The following FOXN2 variants were observed in gnomAD, a reference collection of about 807,000 sequenced individuals.
The protein encoded by FOXN2 is forkhead box N2.
FOXN2 carries 19 observed loss-of-function variants against 41.2 expected under a neutral mutation model. The ratio of observed to expected loss-of-function variants is 0.46; its 90% CI spans 0.32 to 0.68. The LOEUF is 0.68. Ranked by LOEUF, FOXN2 falls within the 30% of genes least tolerant of loss-of-function variation. FOXN2 has a pLI of 0.03. For synonymous variants in FOXN2, 195 were observed against 176.8 expected (o/e 1.10, Z -0.82); for missense variants, 587 against 509.4 (o/e 1.15, Z -1.47).
intron 5 of FOXN2, among the ~76,000 whole-genome samples, chr2:48,365,512 C>G (rs530040940): frequency 2.8e-4 from 42 of 152,294 alleles, no homozygotes; most frequent in African/African-American, 9.1e-4. Context: ...TGCTCTTGTT[C>G]TGTTCTATCC....
chr2:48,342,075 T>G (rs1670811322), intron 2 of FOXN2, among the ~76,000 whole-genome samples: 1 of 152,216 alleles, frequency 6.6e-6, no homozygotes, highest in Non-Finnish European at 1.5e-5. Context: ...CTTATTGTTT[T>G]AATTTTAAAC....
intron 2 of FOXN2, among the ~76,000 whole-genome samples, chr2:48,339,810 C>T (rs1179088119): frequency 6.6e-6 from 1 of 152,122 alleles, no homozygotes; most frequent in Non-Finnish European, 1.5e-5. Context: ...CACTTGTATA[C>T]CAGGTGATAT....
intron 5 of FOXN2, among the ~76,000 whole-genome samples, chr2:48,364,114 C>G (rs1014884270): frequency 5.3e-5 from 8 of 152,018 alleles, no homozygotes; most frequent in African/African-American, 1.9e-4. Flanking sequence ...TGCTGTTTAA[C>G]ATTTTTCTAT....
chr2:48,374,196 A>G (rs913153766), intron 6 of FOXN2, among the ~76,000 whole-genome samples: 3 of 152,206 alleles, frequency 2.0e-5, no homozygotes, highest in Non-Finnish European at 4.4e-5. Context: ...GGATTCTGCA[A>G]GTAAGAAATA....
At chr2:48,346,786 G>A in intron 3 of FOXN2, 35 bp downstream of exon 3, 1 of 1,500,156 alleles carries the variant, frequency 6.7e-7, no homozygotes, top group Non-Finnish European at 8.9e-7. Context: ...ATTTGGTGAG[G>A]TGGGGGGACT....
intron 1 of FOXN2, among the ~76,000 whole-genome samples, chr2:48,315,804 C>G (rs1460619013): frequency 1.3e-5 from 2 of 152,228 alleles, no homozygotes; most frequent in Non-Finnish European, 2.9e-5. Context: ...GACCCACACT[C>G]TCGCAGTGTT....
chr2:48,370,603 A>G (rs984420816), intron 5 of FOXN2, among the ~76,000 whole-genome samples: 4 of 151,978 alleles, frequency 2.6e-5, no homozygotes, highest in African/African-American at 9.7e-5. Context: ...TCTTCTTTTG[A>G]GCAATGTCTG....
chr2:48,372,702 A>G (rs1672984971), intron 5 of FOXN2, among the ~76,000 whole-genome samples: 1 of 152,106 alleles, frequency 6.6e-6, no homozygotes, highest in African/African-American at 2.4e-5. Flanking sequence ...CTTCATGAAT[A>G]TTATATAAAT....
intron 6 of FOXN2, 29 bp from the exon 7 acceptor site, chr2:48,374,891 C>A: frequency 6.4e-7 from 1 of 1,565,096 alleles, no homozygotes; most frequent in South Asian, 1.2e-5. Flanking sequence ...ACACATTTGA[C>A]CTATTGATGG....
intron 5 of FOXN2, among the ~76,000 whole-genome samples, chr2:48,369,895 G>T (rs1055815811): frequency 7.2e-5 from 11 of 152,128 alleles, no homozygotes; most frequent in Admixed American, 5.2e-4. Context: ...AGCTACTTGG[G>T]AAGCTAAGGT....
At chr2:48,331,995 GTAT>G (rs1438276698) in intron 2 of FOXN2, among the ~76,000 whole-genome samples, 4 of 151,966 alleles carry the variant, frequency 2.6e-5, no homozygotes, top group African/African-American at 9.7e-5. Context: ...TTTGTTAAAA[GTAT>G]TATCTCAAAA....
chr2:48,336,701 G>A (rs1670385623), intron 2 of FOXN2, among the ~76,000 whole-genome samples: 1 of 151,962 alleles, frequency 6.6e-6, no homozygotes, highest in South Asian at 2.1e-4. Context: ...CCAAATACAT[G>A]TATGCCTTTA....
chr2:48,354,046 G>C lies in FOXN2; in HGVS notation c.538-5001G>C, dbSNP rs377159515. Among the ~76,000 whole-genome samples the C allele has an allele frequency of 2.8e-4, 42 of 152,046 alleles. 7 individuals carry two copies. Among genetic ancestry groups the C allele is most frequent in the Admixed American group, 2.2e-3 (33 of 15,278 alleles). On this transcript the variant is annotated intron_variant, in intron 3 of 6. Coordinates refer to ENST00000340553, the MANE Select transcript of FOXN2 (RefSeq NM_002158.4). ...TTTATACTTATGATGGTACATAAAA[G>C]GTAACCATCTACTAGGTACTTAGAA...
chr2:48,356,239 G>A (rs147687705), intron 3 of FOXN2, among the ~76,000 whole-genome samples: 145 of 152,288 alleles, frequency 9.5e-4, no homozygotes, highest in Admixed American at 2.4e-3. Flanking sequence ...TCAGGAGTTC[G>A]AGATCAGGCT....
intron 3 of FOXN2, among the ~76,000 whole-genome samples, chr2:48,355,031 C>A (rs1572751341): frequency 6.6e-6 from 1 of 152,104 alleles, no homozygotes; most frequent in Non-Finnish European, 1.5e-5. Context: ...ATGGGCTCTT[C>A]TTTGATCTAG....
chr2:48,319,623 T>TTA (rs1669156479), intron 1 of FOXN2, among the ~76,000 whole-genome samples: 1 of 150,118 alleles, frequency 6.7e-6, no homozygotes, highest in African/African-American at 2.4e-5. Flanking sequence ...ATTCTTTTTT[T>TTA]TTTTTTTTGA....
intron 2 of FOXN2, among the ~76,000 whole-genome samples, chr2:48,338,535 G>T (rs1407017557): frequency 6.6e-6 from 1 of 151,986 alleles, no homozygotes; most frequent in Admixed American, 6.5e-5. Context: ...CCCAGCAGCC[G>T]GGACCACAGC....
In FOXN2 at chr2:48,377,177, T is replaced by C. The variant is rs1321066338; in HGVS notation, c.*1734T>C. ...CAAAATATAGTAATTTTTAAATTTGTTAATAATGAAAACCCTTAAGCATGC... is the reference window on the plus strand; with the variant it reads ...CAAAATATAGTAATTTTTAAATTTGCTAATAATGAAAACCCTTAAGCATGC... On this transcript the variant is annotated 3_prime_UTR_variant, in exon 7 of 7. Coordinates refer to ENST00000340553, the MANE Select transcript of FOXN2 (RefSeq NM_002158.4). 1.3e-5 allele frequency: 2 copies of C among 151,966 alleles called. No individual in the cohort carries two copies. Among genetic ancestry groups the C allele is most frequent in the African/African-American group, 2.4e-5 (1 of 41,438 alleles). 9.4% of individuals were successfully genotyped at this position (151,966 alleles called of 1,614,324 possible). A position where few individuals can be genotyped will look rare whatever the true frequency, so the allele number is the denominator to read the frequency against.
chr2:48,359,110 C>G lies in FOXN2; in HGVS notation c.601C>G (p.Leu201Val). 1 of 1,613,762 alleles carries G rather than the reference C, an allele frequency of 6.2e-7. No homozygotes were observed. The change falls in exon 4 of 7, where the codon CTG becomes GTG. Residue 201 changes from leucine to valine, a missense_variant. Leu to Val is a conservative substitution (Grantham distance 32, BLOSUM62 1). Transcript: ENST00000340553. ...ATATAAACCCAATCTTATCCAGGCACTGAAGAAGCAACCTTTTTCTTCAGC... is the reference window on the plus strand; with the variant it reads ...ATATAAACCCAATCTTATCCAGGCAGTGAAGAAGCAACCTTTTTCTTCAGC... ...PEYKPNLIQA[L>V]KKQPFSSASS...
Sources: allele counts gnomAD v4.1 joint callset (sites outside exome capture counted in the v4.1 genomes callset), GRCh38; gene constraint gnomAD v4.1.1; transcripts MANE v1.5; gene names NCBI Gene and HGNC (gene_info 2026-07-23, HGNC 2026-07-21).